SOCS6: variants seen among roughly 807,000 people sequenced by gnomAD.
The protein encoded by SOCS6 is STAT induced STAT inhibitor-4.
SOCS6 carries 5 observed loss-of-function variants against 27.7 expected under a neutral mutation model. That is an observed-to-expected ratio of 0.18 (90% confidence interval 0.09 to 0.38). The LOEUF (loss-of-function observed/expected upper bound fraction) is 0.38, where lower values mean the gene tolerates loss of function less well. Among genes scored for constraint, SOCS6 ranks in the 10% least tolerant of loss-of-function variants. SOCS6 has a pLI of 1.00. For synonymous variants in SOCS6, 271 were observed against 260.0 expected, an observed-to-expected ratio of 1.04 and a Z score of -0.41; for missense variants, 595 against 688.1, an observed-to-expected ratio of 0.86 and a Z score of 1.51.
chr18:70,305,551 T>C lies in SOCS6; in HGVS notation c.-127+16461T>C, dbSNP rs188772056. On this transcript the variant is annotated intron_variant, in intron 1 of 1. Transcript: ENST00000397942. ...AACTTTGTTCTTTTTCAAAATTGCA[T>C]TTCAATATAAATTTTAGGAATATTG... is the stretch of plus-strand genomic sequence containing the variant. Among the ~76,000 whole-genome samples, 111 of 152,342 alleles carry C rather than the reference T, an allele frequency of 7.3e-4. 1 individual carries two copies. Among genetic ancestry groups the C allele is most frequent in the Admixed American group, 1.4e-3 (21 of 15,310 alleles).
Position 70,324,620 on chromosome 18 carries a change from A to G in SOCS6, c.-49A>G. 7.9e-7 allele frequency: 1 copy of G among 1,273,348 alleles called. No individual in the cohort carries two copies. The highest frequency in any genetic ancestry group is 1.1e-6 in the Non-Finnish European group (1 of 910,204). The allele number at this position is 1,273,348 out of a possible 1,614,324, so 78.9% of individuals were successfully genotyped here. A position where few individuals can be genotyped will look rare whatever the true frequency, so the allele number is the denominator to read the frequency against. ...GCAGCCTCTCCAGATGTTTGGGGATAATATTCCAGATAGAAATATTGATCC... is the reference window on the plus strand; with the variant it reads ...GCAGCCTCTCCAGATGTTTGGGGATGATATTCCAGATAGAAATATTGATCC... On this transcript the variant is annotated 5_prime_UTR_variant, in exon 2 of 2. The change creates a new upstream start codon in the 5' untranslated region. Transcript: ENST00000397942.
chr18:70,312,195 T>C (rs967670840), intron 1 of SOCS6, among the ~76,000 whole-genome samples: 4 of 152,252 alleles, frequency 2.6e-5, no homozygotes, highest in African/African-American at 9.6e-5. Flanking sequence ...ACTTACGCAG[T>C]CTGGTTCCAC....
chr18:70,308,717 G>C (rs2062378840), intron 1 of SOCS6, among the ~76,000 whole-genome samples: 1 of 151,994 alleles, frequency 6.6e-6, no homozygotes, highest in Non-Finnish European at 1.5e-5. Context: ...GTTCTCTCAG[G>C]CTTTGCTTTA....
intron 1 of SOCS6, among the ~76,000 whole-genome samples, chr18:70,312,660 A>C (rs540550074): frequency 2.6e-5 from 4 of 152,154 alleles, no homozygotes; most frequent in Admixed American, 6.5e-5. Context: ...GCATACAGTG[A>C]AATCACCTTT....
At position 70,328,495 on chromosome 18, in the gene SOCS6, G is replaced by C. The variant is rs572469190; in HGVS notation, c.*2219G>C. 1 of 166,924 alleles carries C rather than the reference G, an allele frequency of 6.0e-6. No homozygotes were observed. The highest frequency in any genetic ancestry group is 1.9e-4 in the East Asian group (1 of 5,188). 10.3% of individuals were successfully genotyped at this position (166,924 alleles called of 1,614,324 possible). ...ACCCGCTTAGTGTCAAGATTATTGAGATTTTCATCTAAATGTTTTTAAAAT... is the reference window on the plus strand; with the variant it reads ...ACCCGCTTAGTGTCAAGATTATTGACATTTTCATCTAAATGTTTTTAAAAT... On this transcript the variant is annotated 3_prime_UTR_variant, in exon 2 of 2. Transcript: ENST00000397942.
At chr18:70,295,160 T>G (rs1021725854) in intron 1 of SOCS6, among the ~76,000 whole-genome samples, 11 of 152,248 alleles carry the variant, frequency 7.2e-5, no homozygotes, top group Non-Finnish European at 1.6e-4. Flanking sequence ...GAGATTATAC[T>G]TAATATACAC....
chr18:70,306,248 G>T (rs2062368625), intron 1 of SOCS6, among the ~76,000 whole-genome samples: 1 of 151,586 alleles, frequency 6.6e-6, no homozygotes. Flanking sequence ...GCCGAAGTGG[G>T]TGGATCACGA....
Position 70,327,591 on chromosome 18 carries a change from CCTT to C in SOCS6, c.*1316_*1318del, listed in dbSNP as rs1258345873. On this transcript the variant is annotated 3_prime_UTR_variant, in exon 2 of 2. Transcript: ENST00000397942. ...TTTGCCGTTGCTAATAATTTTATCT[CCTT>C]GAGTCGGTTGTTGGGGAGAGATGTT... 6.0e-6 allele frequency: 1 copy of C among 166,854 alleles called. No individual in the cohort carries two copies. Among genetic ancestry groups the C allele is most frequent in the Non-Finnish European group, 1.5e-5 (1 of 68,082 alleles). 10.3% of individuals were successfully genotyped at this position (166,854 alleles called of 1,614,324 possible).
chr18:70,317,677 A>G (rs1298397833), intron 1 of SOCS6, among the ~76,000 whole-genome samples: 1 of 144,602 alleles, frequency 6.9e-6, no homozygotes, highest in Non-Finnish European at 1.5e-5. Flanking sequence ...TGCCAGTACA[A>G]TTTTTTTTTT....
intron 1 of SOCS6, among the ~76,000 whole-genome samples, chr18:70,321,626 C>T (rs552726486): frequency 7.3e-5 from 11 of 151,666 alleles, no homozygotes; most frequent in Non-Finnish European, 7.4e-5. Context: ...CATCATGCCC[C>T]GCCTCTCGGT....
At chr18:70,323,469 T>C (rs1180563421) in intron 1 of SOCS6, among the ~76,000 whole-genome samples, 1 of 152,160 alleles carries the variant, frequency 6.6e-6, no homozygotes, top group Non-Finnish European at 1.5e-5. Flanking sequence ...AAGTAAAAAT[T>C]TGCCATGGGA....
chr18:70,291,990 T>C (rs1375016835), intron 1 of SOCS6, among the ~76,000 whole-genome samples: 4 of 152,218 alleles, frequency 2.6e-5, no homozygotes, highest in Non-Finnish European at 4.4e-5. Context: ...TTATGCTGTT[T>C]GGCGTGTTGG....
At chr18:70,314,678 C>T (rs1318983119) in intron 1 of SOCS6, among the ~76,000 whole-genome samples, 1 of 152,186 alleles carries the variant, frequency 6.6e-6, no homozygotes, top group Non-Finnish European at 1.5e-5. Context: ...TGTTCAGCTG[C>T]ATCTATTGAA....
At chr18:70,307,816 T>A (rs565688173) in intron 1 of SOCS6, among the ~76,000 whole-genome samples, 1 of 152,170 alleles carries the variant, frequency 6.6e-6, no homozygotes, top group Non-Finnish European at 1.5e-5. Flanking sequence ...ATTTGTTTTT[T>A]CCCTCTTGTT....
chr18:70,316,230 G>C, intron 1 of SOCS6, among the ~76,000 whole-genome samples: 1 of 152,142 alleles, frequency 6.6e-6, no homozygotes, highest in African/African-American at 2.4e-5. Context: ...ATTTAAAGAT[G>C]TTTGATTTTA....
chr18:70,323,914 A>G (rs746158204), intron 1 of SOCS6, among the ~76,000 whole-genome samples: 3 of 152,168 alleles, frequency 2.0e-5, no homozygotes, highest in Non-Finnish European at 4.4e-5. Context: ...GCTAGAGTCC[A>G]GCTGGGAAGG....
rs371313090 is a variant in SOCS6, at chr18:70,324,009, A to G, written c.-126-534A>G. ...AAAGGTAGATGCAGGCTTGTTCTTTATAAACATCATCGGGCGGGGCATGGT... is the reference window on the plus strand; with the variant it reads ...AAAGGTAGATGCAGGCTTGTTCTTTGTAAACATCATCGGGCGGGGCATGGT... On this transcript the variant is annotated intron_variant, in intron 1 of 1. Coordinates refer to ENST00000397942, the MANE Select transcript of SOCS6 (RefSeq NM_004232.4). Among the ~76,000 whole-genome samples the G allele has an allele frequency of 2.6e-4, 40 of 152,294 alleles. No individual in the cohort carries two copies. The South Asian group carries it at 7.9e-3, about 30-fold the overall frequency.
intron 1 of SOCS6, among the ~76,000 whole-genome samples, chr18:70,307,856 T>G (rs932504301): frequency 6.6e-5 from 10 of 152,322 alleles, no homozygotes; most frequent in African/African-American, 2.4e-4. Flanking sequence ...TAATTTCTAC[T>G]CTAACATTTA....
chr18:70,320,305 T>A (rs1910935561), intron 1 of SOCS6, among the ~76,000 whole-genome samples: 1 of 152,154 alleles, frequency 6.6e-6, no homozygotes, highest in Non-Finnish European at 1.5e-5. Context: ...AGTAAAAAAA[T>A]TTTGTGTTAT....
Sources: gnomAD v4.1 joint callset for allele counts (sites outside exome capture counted in the v4.1 genomes callset) on GRCh38, gnomAD v4.1.1 for gene constraint, MANE v1.5 for transcripts, NCBI Gene and HGNC (gene_info 2026-07-23, HGNC 2026-07-21) for gene names.